Variants in SGCZ observed in about 807,000 individuals in gnomAD.
The protein encoded by SGCZ is zeta-sarcoglycan.
SGCZ carries 40 observed loss-of-function variants against 41.3 expected under a neutral mutation model. The observed-to-expected ratio is 0.97, with a 90% CI of 0.75 to 1.26. The LOEUF (loss-of-function observed/expected upper bound fraction) is 1.26. Ranked by LOEUF, SGCZ falls within the 50% of genes most tolerant of loss-of-function variation. The pLI is 0.00. For missense variants in SGCZ, 552 were observed against 369.8 expected (o/e 1.49, Z -4.04); for synonymous variants, 206 against 137.5 (o/e 1.50, Z -3.49).
intron 2 of SGCZ, among the ~76,000 whole-genome samples, chr8:14,544,725 C>A (rs576277146): frequency 5.9e-5 from 9 of 152,146 alleles, no homozygotes; most frequent in African/African-American, 1.7e-4. Flanking sequence ...GCTCTTGAAC[C>A]CTGTTTTCTG....
intron 2 of SGCZ, among the ~76,000 whole-genome samples, chr8:14,365,360 G>C (rs1239996514): frequency 1.3e-5 from 2 of 151,754 alleles, no homozygotes; most frequent in Admixed American, 1.3e-4. Flanking sequence ...TCTGCATTTT[G>C]CTTTATTCAT....
At chr8:14,331,728 T>A (rs1802332437) in intron 2 of SGCZ, among the ~76,000 whole-genome samples, 1 of 151,968 alleles carries the variant, frequency 6.6e-6, no homozygotes, top group Non-Finnish European at 1.5e-5. Flanking sequence ...GTACCTTCAG[T>A]TGTCAGGGTT....
At chr8:15,156,304 T>C (rs532255943) in intron 1 of SGCZ, among the ~76,000 whole-genome samples, 2 of 152,118 alleles carry the variant, frequency 1.3e-5, no homozygotes, top group East Asian at 1.9e-4. Flanking sequence ...CAATCTAAAG[T>C]TCCTACGCAG....
At chr8:14,369,020 A>AAT (rs1554507434) in intron 2 of SGCZ, among the ~76,000 whole-genome samples, 4 of 100,812 alleles carry the variant, frequency 4.0e-5, no homozygotes, top group Admixed American at 3.7e-4. Context: ...GGCAAATGTA[A>AAT]ATGTGTGTGT....
intron 7 of SGCZ, among the ~76,000 whole-genome samples, chr8:14,094,364 C>G (rs964452904): frequency 6.6e-6 from 1 of 151,974 alleles, no homozygotes; most frequent in African/African-American, 2.4e-5. Context: ...TTGTTCAACT[C>G]CCAATTAGGA....
chr8:14,143,264 T>A (rs374923111), intron 5 of SGCZ, among the ~76,000 whole-genome samples: 1 of 152,312 alleles, frequency 6.6e-6, no homozygotes. Context: ...GACAGGGCAA[T>A]GGTGTCCAAT....
chr8:14,610,494 T>G (rs1015289917), intron 1 of SGCZ, among the ~76,000 whole-genome samples: 2 of 152,150 alleles, frequency 1.3e-5, no homozygotes, highest in Non-Finnish European at 2.9e-5. Context: ...TGTCATTTAT[T>G]TGGGTCTCAA....
chr8:14,338,375 C>T (rs375932583), intron 2 of SGCZ, among the ~76,000 whole-genome samples: 1 of 152,144 alleles, frequency 6.6e-6, no homozygotes, highest in Non-Finnish European at 1.5e-5. Context: ...GGTAGACACC[C>T]ACGTGGGTAG....
chr8:14,335,701 C>T (rs995980701), intron 2 of SGCZ, among the ~76,000 whole-genome samples: 4 of 152,018 alleles, frequency 2.6e-5, no homozygotes, highest in African/African-American at 9.7e-5. Context: ...GAAATTCAGA[C>T]AAATCTTGCT....
chr8:14,991,211 C>G (rs1027115959), intron 1 of SGCZ, among the ~76,000 whole-genome samples: 7 of 152,056 alleles, frequency 4.6e-5, no homozygotes, highest in Admixed American at 3.9e-4. Context: ...TAATTGCATT[C>G]TCATTCTGGG....
intron 1 of SGCZ, among the ~76,000 whole-genome samples, chr8:14,755,064 A>G (rs1175380313): frequency 6.6e-6 from 1 of 152,082 alleles, no homozygotes; most frequent in Non-Finnish European, 1.5e-5. Flanking sequence ...GGTAGTTTTT[A>G]GGTTTCAATG....
At chr8:14,940,542 C>G (rs1318596983) in intron 1 of SGCZ, among the ~76,000 whole-genome samples, 1 of 151,908 alleles carries the variant, frequency 6.6e-6, no homozygotes, top group Non-Finnish European at 1.5e-5. Context: ...AATTCCAAGT[C>G]AAAGCATATA....
intron 1 of SGCZ, among the ~76,000 whole-genome samples, chr8:15,033,110 C>A (rs1360235527): frequency 6.6e-6 from 1 of 152,066 alleles, no homozygotes; most frequent in Non-Finnish European, 1.5e-5. Context: ...GGCTCAGGTC[C>A]AGGCCTGCTT....
rs113455525 is a variant in SGCZ at position 14,375,765 on chromosome 8, A to G, written c.235-51561T>C. ...AGCCTTCAGTATGTTTAGTACTTAA[A>G]CAGAAACAATGAAAATGAATAAATT... On this transcript the variant is annotated intron_variant, in intron 2 of 7. Transcript: ENST00000382080. Among the ~76,000 whole-genome samples, 804 of 152,316 alleles carry G rather than the reference A, an allele frequency of 5.3e-3. 7 individuals carry two copies. The highest frequency in any genetic ancestry group is 7.6e-3 in the Non-Finnish European group (517 of 68,020).
At chr8:14,123,464 A>G (rs1309867295) in intron 5 of SGCZ, among the ~76,000 whole-genome samples, 1 of 152,152 alleles carries the variant, frequency 6.6e-6, no homozygotes, top group East Asian at 1.9e-4. Flanking sequence ...GAGATTTGAA[A>G]ATATTATATT....
At chr8:14,702,836 G>C (rs534865940) in intron 1 of SGCZ, among the ~76,000 whole-genome samples, 3 of 55,984 alleles carry the variant, frequency 5.4e-5, no homozygotes, top group African/African-American at 1.2e-4. Context: ...TAGATAGATA[G>C]ATAGATAGAT....
At chr8:14,799,675 G>A (rs1801253706) in intron 1 of SGCZ, among the ~76,000 whole-genome samples, 2 of 144,578 alleles carry the variant, frequency 1.4e-5, no homozygotes, top group South Asian at 2.1e-4. Flanking sequence ...AGCGGCAAGG[G>A]CAAAATAAAA....
intron 2 of SGCZ, among the ~76,000 whole-genome samples, chr8:14,430,072 T>C (rs1470071998): frequency 1.3e-5 from 2 of 152,046 alleles, no homozygotes; most frequent in African/African-American, 2.4e-5. Context: ...ATCTGGCCAG[T>C]GGTCTCCAAG....
intron 5 of SGCZ, among the ~76,000 whole-genome samples, chr8:14,153,641 A>C (rs1803782055): frequency 6.6e-6 from 1 of 152,108 alleles, no homozygotes; most frequent in African/African-American, 2.4e-5. Context: ...CATTGTTTGG[A>C]ATTCAGCTAC....
Sources: gnomAD v4.1 joint callset for allele counts (sites outside exome capture counted in the v4.1 genomes callset) on GRCh38, gnomAD v4.1.1 for gene constraint, MANE v1.5 for transcripts, NCBI Gene and HGNC (gene_info 2026-07-23, HGNC 2026-07-21) for gene names.